Variants in CDKN2B-AS1 observed in about 807,000 individuals in gnomAD.
CDKN2B-AS1 encodes the protein CDKN2B antisense RNA 1 (non-protein coding).
rs34297943 is a variant in CDKN2B-AS1, at chr9:21,997,480, G to GGA, written n.29+2342_29+2343dup. Among the ~76,000 whole-genome samples the GGA allele has an allele frequency of 0.28, 41,529 of 145,922 alleles. 6,796 individuals are homozygous for GGA. Among genetic ancestry groups the GGA allele is most frequent in the Non-Finnish European group, 0.4 (26,414 of 65,954 alleles). On this transcript the variant is annotated intron_variant and non_coding_transcript_variant, in intron 1 of 4. Coordinates refer to ENST00000650946, the Ensembl canonical transcript of CDKN2B-AS1. The surrounding 1 kb of genome is among the most constrained non-coding windows in gnomAD (Gnocchi z 4.8). ...ATGTGGGGGAGAGAAAGAGAGGGAG[G>GGA]GAGAGAGAGAGAGAGAGAGAGAGAA...
At chr9:22,020,898 A>AT in intron 1 of CDKN2B-AS1, among the ~76,000 whole-genome samples, 1 of 152,152 alleles carries the variant, frequency 6.6e-6, no homozygotes, top group Non-Finnish European at 1.5e-5. Flanking sequence ...GCATTTGTCA[A>AT]TTTTTTCTTT....
At chr9:22,030,591 C>T (rs1822427401) in intron 1 of CDKN2B-AS1, 1 of 152,084 alleles carries the variant, frequency 6.6e-6, no homozygotes. Flanking sequence ...CCCTTTAAAA[C>T]TACTGGCAGA....
chr9:22,124,071 T>A (rs1563995650), intron 4 of CDKN2B-AS1, among the ~76,000 whole-genome samples: 2 of 151,660 alleles, frequency 1.3e-5, no homozygotes, highest in Non-Finnish European at 3.0e-5. Flanking sequence ...TTGCCTTGTA[T>A]AATCTTTTTG....
intron 3 of CDKN2B-AS1, chr9:22,056,234 A>ATATATATTT (rs777560826): frequency 7.1e-5 from 7 of 98,266 alleles, no homozygotes; most frequent in Non-Finnish European, 9.9e-5. Context: ...ATATATATAT[A>ATATATATTT]TTTTTTTTTT....
rs1821148922 is a variant in CDKN2B-AS1, at chr9:22,005,901, T to C, written n.29+10740T>C. The C allele has an allele frequency of 3.3e-6, 5 of 1,535,326 alleles. No homozygotes were observed. The highest frequency in any genetic ancestry group is 2.3e-5 in the East Asian group (1 of 42,944). ...CTTACAGGCTTTCCGCCGCTCCCCG[T>C]TGGCAGCCTTCATCGAATTAGGTGG... is the stretch of plus-strand genomic sequence containing the variant. On this transcript the variant is annotated intron_variant and non_coding_transcript_variant, in intron 1 of 4. Coordinates refer to ENST00000650946, the Ensembl canonical transcript of CDKN2B-AS1. The surrounding 1 kb of genome is among the most constrained non-coding windows in gnomAD (Gnocchi z 4.9).
At chr9:22,016,732 A>C (rs912878723) in intron 1 of CDKN2B-AS1, among the ~76,000 whole-genome samples, 3 of 152,212 alleles carry the variant, frequency 2.0e-5, no homozygotes, top group African/African-American at 7.2e-5. Flanking sequence ...TGCTGGGAAA[A>C]CTGGCTAGCC....
In CDKN2B-AS1 at chr9:22,092,893, A is replaced by G. The variant is rs147664116; in HGVS notation, n.439-34210A>G. The stretch of plus-strand genomic sequence containing the variant: ...TTTGAATCTGTTTGCTCTTGCTTCT[A>G]TAGTTCTTTTAATTGTGATGTTAGG... On this transcript the variant is annotated intron_variant and non_coding_transcript_variant, in intron 4 of 4. Coordinates refer to ENST00000650946, the Ensembl canonical transcript of CDKN2B-AS1. 3.1e-4 allele frequency among the ~76,000 whole-genome samples: 47 copies of G among 151,872 alleles called. 1 individual carries two copies. Among genetic ancestry groups the G allele is most frequent in the African/African-American group, 1.1e-3 (47 of 41,436 alleles).
chr9:22,012,530 G>T, intron 1 of CDKN2B-AS1: 2 of 622,804 alleles, frequency 3.2e-6, no homozygotes, highest in Non-Finnish European at 6.1e-6. Flanking sequence ...CCCCAAGAAG[G>T]TCAAATAAGG....
intron 4 of CDKN2B-AS1, among the ~76,000 whole-genome samples, chr9:22,106,857 G>A (rs183839213): frequency 1.3e-5 from 2 of 152,278 alleles, no homozygotes; most frequent in Non-Finnish European, 2.9e-5. Context: ...TAACAACAAA[G>A]CTATGAAGCA....
chr9:22,127,728 A>G (rs1818038465), exon 5 of CDKN2B-AS1, among the ~76,000 whole-genome samples: 1 of 152,188 alleles, frequency 6.6e-6, no homozygotes, highest in Non-Finnish European at 1.5e-5. Context: ...GATGATTACT[A>G]GAAGGGAAAG....
intron 1 of CDKN2B-AS1, chr9:22,003,991 C>T: frequency 4.3e-6 from 1 of 232,808 alleles, no homozygotes; most frequent in East Asian, 6.1e-5. Context: ...ACTAGATGCA[C>T]TTCTTTGTGC....
chr9:22,114,627 C>T (rs770357964), intron 4 of CDKN2B-AS1, among the ~76,000 whole-genome samples: 2 of 152,200 alleles, frequency 1.3e-5, no homozygotes, highest in African/African-American at 2.4e-5. Flanking sequence ...CTTTCAGGAA[C>T]GGACTTGCTT....
chr9:22,065,258 TC>T (rs1218870312), intron 4 of CDKN2B-AS1, among the ~76,000 whole-genome samples: 1 of 152,182 alleles, frequency 6.6e-6, no homozygotes, highest in Non-Finnish European at 1.5e-5. Flanking sequence ...CCCACCAGGT[TC>T]CTCTTTCCAG....
chr9:22,109,719 G>A lies in CDKN2B-AS1; in HGVS notation n.439-17384G>A, dbSNP rs1276099298. On this transcript the variant is annotated intron_variant and non_coding_transcript_variant, in intron 4 of 4. Coordinates refer to ENST00000650946, the Ensembl canonical transcript of CDKN2B-AS1. Reference sequence around the variant, plus strand: ...ATTAGCTGTGTCTGTCTTTTTTCCAGGAATTTGGCCTTAAAAGAGATCATT... The same window carrying A: ...ATTAGCTGTGTCTGTCTTTTTTCCAAGAATTTGGCCTTAAAAGAGATCATT... 1.3e-5 allele frequency among the ~76,000 whole-genome samples: 2 copies of A among 152,026 alleles called. 1 individual carries two copies.
chr9:22,022,011 T>A (rs1822036431), intron 1 of CDKN2B-AS1, among the ~76,000 whole-genome samples: 1 of 152,222 alleles, frequency 6.6e-6, no homozygotes, highest in Non-Finnish European at 1.5e-5. Flanking sequence ...TGTGCTGTGG[T>A]CTGGGAGACA....
chr9:22,099,441 A>C (rs1825403871), intron 4 of CDKN2B-AS1, among the ~76,000 whole-genome samples: 1 of 152,184 alleles, frequency 6.6e-6, no homozygotes, highest in Non-Finnish European at 1.5e-5. Context: ...TGATAGCAAG[A>C]AACTGTTTGG....
At chr9:22,088,997 A>G (rs1287476288) in intron 4 of CDKN2B-AS1, among the ~76,000 whole-genome samples, 1 of 152,198 alleles carries the variant, frequency 6.6e-6, no homozygotes, top group African/African-American at 2.4e-5. Flanking sequence ...CCAAAGAGAA[A>G]CCCAAAGACT....
In CDKN2B-AS1 at chr9:22,067,528, ACACACACACACGCACG is replaced by A. The variant is rs1013929701; in HGVS notation, n.438+11169_438+11184del. ...TTATTTAAAGAAAAATAAAAAGAAC[ACACACACACACGCACG>A]CACACACACACGCACGCACACACAC... On this transcript the variant is annotated intron_variant and non_coding_transcript_variant, in intron 4 of 4. Coordinates refer to ENST00000650946, the Ensembl canonical transcript of CDKN2B-AS1. 1.1e-4 allele frequency among the ~76,000 whole-genome samples: 15 copies of A among 135,780 alleles called. 3 individuals are homozygous for A. Among genetic ancestry groups the A allele is most frequent in the East Asian group, 3.9e-4 (2 of 5,146 alleles). The allele number at this position is 135,780 out of a possible 152,430, so 89.1% of individuals were successfully genotyped here.
chr9:22,115,967 C>A (rs895462342), intron 4 of CDKN2B-AS1, among the ~76,000 whole-genome samples: 3 of 152,140 alleles, frequency 2.0e-5, no homozygotes, highest in African/African-American at 7.2e-5. Flanking sequence ...TTCAGCTAAG[C>A]ATGATTATTT....
Sources: allele counts gnomAD v4.1 joint callset (sites outside exome capture counted in the v4.1 genomes callset), GRCh38; gene constraint gnomAD v4.1.1; non-coding constraint Gnocchi (gnomAD v3.1); transcripts MANE v1.5; gene names NCBI Gene and HGNC (gene_info 2026-07-23, HGNC 2026-07-21).